Variants in ZMYND11 observed in about 807,000 individuals in gnomAD.
ZMYND11 encodes the protein zinc finger MYND-type containing 11, also known as zinc finger MYND domain-containing protein 11.
In ZMYND11, 9 loss-of-function variants were observed where a neutral mutation model predicts 84.9. That is an observed-to-expected ratio of 0.11 (90% confidence interval 0.06 to 0.18). ZMYND11 has a LOEUF of 0.18. ZMYND11 is among the 10% of genes least tolerant of loss of function. ZMYND11 has a pLI of 1.00. For synonymous variants in ZMYND11, 250 were observed against 244.1 expected, an observed-to-expected ratio of 1.02 and a Z score of -0.23; for missense variants, 409 against 761.0, an observed-to-expected ratio of 0.54 and a Z score of 5.44.
chr10:179,658 A>G (rs1248267637), intron 1 of ZMYND11, among the ~76,000 whole-genome samples: 1 of 152,234 alleles, frequency 6.6e-6, no homozygotes, highest in African/African-American at 2.4e-5. Context: ...CGCGATGTCA[A>G]CAAATGAAGT....
At chr10:248,655 T>G in intron 13 of ZMYND11, 47 bp downstream of exon 13, 1 of 1,549,706 alleles carries the variant, frequency 6.5e-7, no homozygotes, top group Non-Finnish European at 8.7e-7. Flanking sequence ...CCGGCACTCC[T>G]GTCATGGTTA....
intron 2 of ZMYND11, among the ~76,000 whole-genome samples, chr10:187,090 A>G (rs1026255241): frequency 2.6e-5 from 4 of 151,996 alleles, no homozygotes; most frequent in African/African-American, 9.7e-5. Context: ...TTAGCCAAGC[A>G]TGGTGGTGCG....
chr10:134,713 G>C (rs1835478787), upstream of ZMYND11: 1 of 152,482 alleles, frequency 6.6e-6, no homozygotes, highest in African/African-American at 2.4e-5. Context: ...CCGGGGCTGA[G>C]CTGCGGCGGC....
intron 2 of ZMYND11, among the ~76,000 whole-genome samples, chr10:196,107 G>A (rs1193541110): frequency 6.6e-6 from 1 of 152,148 alleles, no homozygotes; most frequent in African/African-American, 2.4e-5. Context: ...ATTTCATTCA[G>A]CAGTAATTAT....
chr10:247,026 A>T, intron 11 of ZMYND11, 53 bp downstream of exon 11: 1 of 1,482,194 alleles, frequency 6.7e-7, no homozygotes, highest in Non-Finnish European at 9.2e-7. Flanking sequence ...TTAAATGCAG[A>T]AATCTTAGTG....
intron 4 of ZMYND11, among the ~76,000 whole-genome samples, chr10:235,641 A>G (rs1949821866): frequency 6.6e-6 from 1 of 152,196 alleles, no homozygotes; most frequent in Non-Finnish European, 1.5e-5. Context: ...CATATCTCTG[A>G]TGCGAGGCCA....
At chr10:171,518 C>T (rs1845317382) in intron 1 of ZMYND11, among the ~76,000 whole-genome samples, 1 of 152,016 alleles carries the variant, frequency 6.6e-6, no homozygotes, top group African/African-American at 2.4e-5. Context: ...CTGGGAAATC[C>T]CCAAATATAT....
At chr10:187,510 T>G in intron 2 of ZMYND11, among the ~76,000 whole-genome samples, 1 of 152,022 alleles carries the variant, frequency 6.6e-6, no homozygotes, top group Non-Finnish European at 1.5e-5. Context: ...GGCGGGCGCC[T>G]GTAGTCCCAG....
chr10:140,571 A>G (rs1437643549), intron 1 of ZMYND11, among the ~76,000 whole-genome samples: 1 of 152,256 alleles, frequency 6.6e-6, no homozygotes, highest in Non-Finnish European at 1.5e-5. Flanking sequence ...ATTTAACTCA[A>G]TTCAAAAAAT....
intron 2 of ZMYND11, among the ~76,000 whole-genome samples, chr10:185,197 C>A (rs1487357113): frequency 6.6e-6 from 1 of 152,056 alleles, no homozygotes; most frequent in Non-Finnish European, 1.5e-5. Flanking sequence ...CTTTGTTGGG[C>A]ATTTTACCCT....
chr10:217,667 T>C (rs925957036), intron 3 of ZMYND11, among the ~76,000 whole-genome samples: 1 of 152,138 alleles, frequency 6.6e-6, no homozygotes, highest in South Asian at 2.1e-4. Context: ...TAGATAATAA[T>C]AACAACACTT....
chr10:230,607 G>T (rs963403092), intron 4 of ZMYND11, among the ~76,000 whole-genome samples: 2 of 151,708 alleles, frequency 1.3e-5, no homozygotes, highest in African/African-American at 4.8e-5. Context: ...ATATTTCAGT[G>T]AGCTATTGGT....
chr10:158,172 A>G (rs1842124701), intron 1 of ZMYND11, among the ~76,000 whole-genome samples: 1 of 152,164 alleles, frequency 6.6e-6, no homozygotes, highest in Non-Finnish European at 1.5e-5. Flanking sequence ...TATCAGTAAT[A>G]CTGCGTGGAT....
At chr10:204,328 T>A (rs1479335723) in intron 2 of ZMYND11, among the ~76,000 whole-genome samples, 1 of 152,226 alleles carries the variant, frequency 6.6e-6, no homozygotes, top group South Asian at 2.1e-4. Flanking sequence ...TTTCAGAATT[T>A]ACACAAATTT....
At chr10:147,404 T>A (rs1305893118) in intron 1 of ZMYND11, among the ~76,000 whole-genome samples, 1 of 152,168 alleles carries the variant, frequency 6.6e-6, no homozygotes, top group Admixed American at 6.5e-5. Context: ...GCTTTTCATA[T>A]TTTGAGGTAT....
At chr10:206,634 T>C (rs1013266896) in intron 2 of ZMYND11, among the ~76,000 whole-genome samples, 4 of 152,108 alleles carry the variant, frequency 2.6e-5, no homozygotes, top group African/African-American at 7.2e-5. Context: ...ATGATATGCT[T>C]TTTCCCATTT....
intron 10 of ZMYND11, chr10:244,560 A>G (rs1369212542): frequency 6.6e-6 from 1 of 152,300 alleles, no homozygotes; most frequent in African/African-American, 2.4e-5. Context: ...TTCTGCTGCG[A>G]GAGTGGCTGG....
intron 11 of ZMYND11, 53 bp from the exon 12 acceptor site, chr10:247,345 G>C: frequency 1.3e-6 from 2 of 1,593,950 alleles, no homozygotes; most frequent in Non-Finnish European, 1.7e-6. Flanking sequence ...GTTTTCAGCA[G>C]AGAAGTATTT....
intron 1 of ZMYND11, among the ~76,000 whole-genome samples, chr10:173,952 G>A (rs1358323558): frequency 6.6e-6 from 1 of 152,162 alleles, no homozygotes; most frequent in African/African-American, 2.4e-5. Context: ...AGTCATTGCT[G>A]GTGGAAGTGC....
Sources: allele counts gnomAD v4.1 joint callset (sites outside exome capture counted in the v4.1 genomes callset), GRCh38; gene constraint gnomAD v4.1.1; transcripts MANE v1.5; gene names NCBI Gene and HGNC (gene_info 2026-07-23, HGNC 2026-07-21).